Variants in LRFN5 observed in about 807,000 individuals in gnomAD.
LRFN5 encodes the protein leucine-rich repeat and fibronectin type-III domain-containing protein 5.
LRFN5 carries 24 observed loss-of-function variants against 45.6 expected under a neutral mutation model. The ratio of observed to expected loss-of-function variants is 0.53; its 90% confidence interval spans 0.38 to 0.74. The LOEUF (loss-of-function observed/expected upper bound fraction) is 0.74, where lower values mean the gene tolerates loss of function less well. Among genes scored for constraint, LRFN5 ranks in the 30% least tolerant of loss-of-function variants. The pLI is 0.00. For missense variants in LRFN5, 776 were observed against 861.5 expected, an observed-to-expected ratio of 0.90 and a Z score of 1.24; for synonymous variants, 340 against 313.8, an observed-to-expected ratio of 1.08 and a Z score of -0.88.
intron 1 of LRFN5, among the ~76,000 whole-genome samples, chr14:41,665,600 C>T (rs1393845125): frequency 6.6e-6 from 1 of 151,980 alleles, no homozygotes; most frequent in Non-Finnish European, 1.5e-5. Flanking sequence ...ATTTTCAGCT[C>T]ACGAACAAGT....
intron 1 of LRFN5, among the ~76,000 whole-genome samples, chr14:41,688,172 T>C (rs1882205146): frequency 6.6e-6 from 1 of 152,080 alleles, no homozygotes; most frequent in African/African-American, 2.4e-5. Context: ...CTGGGAAAGG[T>C]AGTTGGTGGG....
chr14:41,784,618 TA>T (rs1249521591), intron 2 of LRFN5, among the ~76,000 whole-genome samples: 22 of 85,740 alleles, frequency 2.6e-4, no homozygotes, highest in African/African-American at 1.2e-3. Context: ...CCTGTGTGTG[TA>T]TGTGTGTGTG....
chr14:41,731,512 G>T (rs560813411), intron 1 of LRFN5, among the ~76,000 whole-genome samples: 30 of 152,016 alleles, frequency 2.0e-4, no homozygotes, highest in African/African-American at 3.4e-4. Context: ...ATAAATGATA[G>T]AATCAAATTT....
At chr14:41,774,675 A>T (rs551622276) in intron 2 of LRFN5, among the ~76,000 whole-genome samples, 1 of 152,322 alleles carries the variant, frequency 6.6e-6, no homozygotes, top group South Asian at 2.1e-4. Context: ...TCTAGACTTG[A>T]TTTTGAAAAG....
intron 1 of LRFN5, among the ~76,000 whole-genome samples, chr14:41,719,143 A>G (rs1883610434): frequency 6.6e-6 from 1 of 152,264 alleles, no homozygotes; most frequent in African/African-American, 2.4e-5. Flanking sequence ...TTATCATGCA[A>G]AACACGAAAA....
At chr14:41,618,511 C>T (rs745832772) in intron 1 of LRFN5, among the ~76,000 whole-genome samples, 24 of 152,180 alleles carry the variant, frequency 1.6e-4, no homozygotes, top group Middle Eastern at 3.2e-3. Flanking sequence ...TGGCCAGACA[C>T]GCAGATGAGG....
intron 2 of LRFN5, among the ~76,000 whole-genome samples, chr14:41,768,837 T>C (rs1885980159): frequency 6.6e-6 from 1 of 152,164 alleles, no homozygotes; most frequent in African/African-American, 2.4e-5. Flanking sequence ...CAAAACAAAG[T>C]AAATTCAAAC....
chr14:41,742,194 T>G (rs571215434), intron 1 of LRFN5, among the ~76,000 whole-genome samples: 6 of 151,792 alleles, frequency 4.0e-5, no homozygotes, highest in African/African-American at 1.4e-4. Flanking sequence ...AATCAGCATG[T>G]GAACGAGATA....
At chr14:41,891,181 T>C in intron 3 of LRFN5, 69 bp from the exon 4 acceptor site, 2 of 1,223,612 alleles carry the variant, frequency 1.6e-6, no homozygotes, top group Non-Finnish European at 2.4e-6. Context: ...TGAACTAAAG[T>C]CATAATGACT....
At chr14:41,839,564 A>C (rs1196506837) in intron 2 of LRFN5, among the ~76,000 whole-genome samples, 1 of 152,138 alleles carries the variant, frequency 6.6e-6, no homozygotes, top group Admixed American at 6.6e-5. Context: ...CCATACAAGC[A>C]AGCCTAGGTA....
At chr14:41,856,726 G>A (rs1889482134) in intron 2 of LRFN5, among the ~76,000 whole-genome samples, 1 of 98,278 alleles carries the variant, frequency 1.0e-5, no homozygotes. Context: ...GCCCAGGCAG[G>A]AGTGCTGTGG....
At chr14:41,629,711 G>A (rs1183908025) in intron 1 of LRFN5, among the ~76,000 whole-genome samples, 1 of 152,262 alleles carries the variant, frequency 6.6e-6, no homozygotes, top group Admixed American at 6.5e-5. Context: ...TCCTTTGGAA[G>A]GAGGCATTCC....
At chr14:41,758,813 A>G (rs540413914) in intron 1 of LRFN5, among the ~76,000 whole-genome samples, 2 of 152,192 alleles carry the variant, frequency 1.3e-5, no homozygotes, top group Non-Finnish European at 2.9e-5. Flanking sequence ...CTCTATCGAA[A>G]TAATTTCTAA....
At chr14:41,790,479 T>C (rs774716792) in intron 2 of LRFN5, among the ~76,000 whole-genome samples, 46 of 151,804 alleles carry the variant, frequency 3.0e-4, no homozygotes, top group Non-Finnish European at 5.6e-4. Context: ...ACTCCCATAA[T>C]TTATTTTAAT....
chr14:41,739,961 C>G (rs908876217), intron 1 of LRFN5, among the ~76,000 whole-genome samples: 1 of 148,506 alleles, frequency 6.7e-6, no homozygotes, highest in Non-Finnish European at 1.5e-5. Context: ...AAATAAAATT[C>G]CTAGAAACAT....
At chr14:41,661,005 AATT>A (rs1457917584) in intron 1 of LRFN5, among the ~76,000 whole-genome samples, 2 of 150,756 alleles carry the variant, frequency 1.3e-5, no homozygotes, top group Non-Finnish European at 3.0e-5. Flanking sequence ...CATGATTTGG[AATT>A]ATTGTTATTC....
At chr14:41,717,825 T>A (rs1883551383) in intron 1 of LRFN5, among the ~76,000 whole-genome samples, 1 of 152,182 alleles carries the variant, frequency 6.6e-6, no homozygotes, top group Non-Finnish European at 1.5e-5. Context: ...GTCTTTTTCC[T>A]GGTGTCTTCA....
chr14:41,655,858 A>C (rs185681881), intron 1 of LRFN5, among the ~76,000 whole-genome samples: 54 of 152,138 alleles, frequency 3.5e-4, no homozygotes, highest in African/African-American at 1.2e-3. Context: ...TCTGTTGTTG[A>C]GATGATGATA....
At chr14:41,892,714 C>T (rs548307371) in intron 4 of LRFN5, 1 of 985,186 alleles carries the variant, frequency 1.0e-6, no homozygotes, top group Non-Finnish European at 1.2e-6. Context: ...GGTGCAGGTG[C>T]CTTAATGGTT....
Sources: gnomAD v4.1 joint callset for allele counts (sites outside exome capture counted in the v4.1 genomes callset) on GRCh38, gnomAD v4.1.1 for gene constraint, MANE v1.5 for transcripts, NCBI Gene and HGNC (gene_info 2026-07-23, HGNC 2026-07-21) for gene names.